TXNDC5: variants seen among roughly 807,000 people sequenced by gnomAD.
TXNDC5 encodes thioredoxin domain containing 5.
A neutral mutation model predicts 52.6 loss-of-function variants in TXNDC5; 44 were observed. The ratio of observed to expected loss-of-function variants is 0.84; its 90% CI spans 0.66 to 1.08. The LOEUF (loss-of-function observed/expected upper bound fraction) is 1.08. TXNDC5 is among the 50% of genes least tolerant of loss of function. The pLI is 0.00. For synonymous variants in TXNDC5, 241 were observed against 234.4 expected (o/e 1.03, Z -0.26); for missense variants, 600 against 565.5 (o/e 1.06, Z -0.62).
chr6:7,883,404 T>C, intron 9 of TXNDC5, 138 bp from the exon 10 acceptor site: 1 of 1,256,316 alleles, frequency 8.0e-7, no homozygotes, highest in Non-Finnish European at 1.1e-6. Flanking sequence ...GTATATTCCA[T>C]TAAAACAGGA....
intron 7 of TXNDC5, among the ~76,000 whole-genome samples, chr6:7,888,345 C>T (rs763551561): frequency 4.6e-5 from 7 of 152,088 alleles, no homozygotes; most frequent in Admixed American, 6.5e-5. Flanking sequence ...ATCAGGGCCC[C>T]GGGGCCAGCA....
intron 4 of TXNDC5, 135 bp from the exon 5 acceptor site, chr6:7,891,871 G>A (rs961894924): frequency 1.7e-6 from 1 of 582,990 alleles, no homozygotes; most frequent in East Asian, 3.0e-5. Flanking sequence ...CACTTTAATT[G>A]GTACAAAGGG....
chr6:7,910,454 G>A (rs1760880726), intron 1 of TXNDC5, 60 bp downstream of exon 1: 7 of 1,297,774 alleles, frequency 5.4e-6, no homozygotes, highest in South Asian at 3.8e-5. Flanking sequence ...CGGCGCCCAA[G>A]CGCCCCACGC....
chr6:7,894,835 C>A (rs991333386), intron 4 of TXNDC5: 9 of 985,308 alleles, frequency 9.1e-6, no homozygotes, highest in African/African-American at 1.7e-5. Context: ...TCAATAAACA[C>A]TCTTAGCCAA....
chr6:7,890,848 G>A (rs1910), intron 5 of TXNDC5, among the ~76,000 whole-genome samples: 21 of 152,216 alleles, frequency 1.4e-4, no homozygotes, highest in Admixed American at 4.6e-4. Context: ...ACCGAGGCGT[G>A]GAGAGGTTTT....
At chr6:7,906,747 G>A (rs188717652) in intron 1 of TXNDC5, among the ~76,000 whole-genome samples, 9 of 151,758 alleles carry the variant, frequency 5.9e-5, no homozygotes, top group East Asian at 3.9e-4. Context: ...TTTATGTGGC[G>A]GGGGAGAAGG....
chr6:7,883,296 AC>A, intron 9 of TXNDC5, 30 bp from the exon 10 acceptor site: 1 of 1,613,576 alleles, frequency 6.2e-7, no homozygotes, highest in Non-Finnish European at 8.5e-7. Context: ...AAGTTTGCAA[AC>A]CAGCGGTCCA....
chr6:7,888,658 GGGGCCAC>G (rs774037436), intron 7 of TXNDC5, 40 bp downstream of exon 7: 1 of 1,567,466 alleles, frequency 6.4e-7, no homozygotes, highest in Admixed American at 1.8e-5. Flanking sequence ...TGGGGGGCCG[GGGGCCAC>G]GGGCCACTTA....
chr6:7,886,243 A>G, intron 7 of TXNDC5, among the ~76,000 whole-genome samples, 200 bp from the exon 8 acceptor site: 1 of 152,226 alleles, frequency 6.6e-6, no homozygotes, highest in Non-Finnish European at 1.5e-5. Flanking sequence ...AAGGGCAGAG[A>G]GATCAATGCA....
intron 1 of TXNDC5, among the ~76,000 whole-genome samples, chr6:7,905,810 T>C (rs1366116279): frequency 2.6e-5 from 4 of 152,270 alleles, no homozygotes; most frequent in African/African-American, 7.2e-5. Flanking sequence ...CACTTTGCTG[T>C]ATCGCTTTTT....
Position 7,884,389 on chromosome 6 carries a change from A to G in TXNDC5, c.1146T>C (p.Thr382=). ...AGVKIAEVDC[T]AERNICSKYS... ...ACTTGCTGCAGATATTCCGTTCAGC[A>G]GTGCAGTCTACTTCGGCGATCTTGA... The change falls in exon 9 of 10, where the codon ACT becomes ACC. Residue 382 remains threonine (T), a synonymous_variant. Coordinates refer to ENST00000379757, the MANE Select transcript of TXNDC5 (RefSeq NM_030810.5). The G allele has an allele frequency of 6.2e-7, 1 of 1,614,198 alleles. No individual in the cohort carries two copies. Among genetic ancestry groups the G allele is most frequent in the Non-Finnish European group, 8.5e-7 (1 of 1,180,026 alleles).
chr6:7,909,267 T>G (rs992319160), intron 1 of TXNDC5, among the ~76,000 whole-genome samples: 13 of 152,258 alleles, frequency 8.5e-5, no homozygotes, highest in African/African-American at 3.1e-4. Flanking sequence ...CTTTCCCAAG[T>G]GAGCCTCTAC....
rs754720608 is a variant in TXNDC5 at position 7,884,350 on chromosome 6, A to C, written c.1176+9T>G. 121 of 1,613,834 alleles carry C rather than the reference A, an allele frequency of 7.5e-5. No homozygotes were observed. Among genetic ancestry groups the C allele is most frequent in the Admixed American group, 2.0e-4 (12 of 59,982 alleles). On this transcript the variant is annotated intron_variant, in intron 9 of 9. Transcript: ENST00000379757. Reference sequence around the variant, plus strand: ...GAGAGCTCCCATAAGCATCCATCCAAGTACCCACCGAATACTTGCTGCAGA... The same window carrying C: ...GAGAGCTCCCATAAGCATCCATCCACGTACCCACCGAATACTTGCTGCAGA...
At chr6:7,888,637 G>C in intron 7 of TXNDC5, 68 bp downstream of exon 7, 1 of 1,544,318 alleles carries the variant, frequency 6.5e-7, no homozygotes, top group Non-Finnish European at 8.7e-7. Context: ...AGGCCTCTGA[G>C]GGTGGGGAGG....
chr6:7,903,690 G>T (rs1338912121), intron 2 of TXNDC5, among the ~76,000 whole-genome samples: 1 of 152,230 alleles, frequency 6.6e-6, no homozygotes, highest in Non-Finnish European at 1.5e-5. Context: ...GCAATAAATT[G>T]TATAGAATTG....
chr6:7,885,816 C>T (rs148965761), intron 8 of TXNDC5, 145 bp downstream of exon 8: 12 of 639,604 alleles, frequency 1.9e-5, no homozygotes, highest in African/African-American at 7.4e-5. Context: ...AGCATGATAA[C>T]GGTTCCTTAT....
At chr6:7,888,223 G>A (rs1760066834) in intron 7 of TXNDC5, among the ~76,000 whole-genome samples, 1 of 152,192 alleles carries the variant, frequency 6.6e-6, no homozygotes, top group Non-Finnish European at 1.5e-5. Context: ...GCCTAGGCAG[G>A]TTACAGCTAC....
chr6:7,884,592 A>C, intron 8 of TXNDC5, 104 bp from the exon 9 acceptor site: 1 of 1,492,970 alleles, frequency 6.7e-7, no homozygotes, highest in South Asian at 1.2e-5. Context: ...GGGACAGTCA[A>C]CAATTGCCTA....
At chr6:7,897,301 T>C (rs1335594634) in intron 3 of TXNDC5, among the ~76,000 whole-genome samples, 2 of 152,218 alleles carry the variant, frequency 1.3e-5, no homozygotes, top group Non-Finnish European at 2.9e-5. Flanking sequence ...AATTGTCTTT[T>C]GAGTTTCTTG....
Sources: gnomAD v4.1 joint callset for allele counts (sites outside exome capture counted in the v4.1 genomes callset) on GRCh38, gnomAD v4.1.1 for gene constraint, MANE v1.5 for transcripts, NCBI Gene and HGNC (gene_info 2026-07-23, HGNC 2026-07-21) for gene names.